The following XCR1 variants were observed in gnomAD, a reference collection of about 807,000 sequenced individuals.
XCR1 encodes the protein X-C motif chemokine receptor 1.
For synonymous variants in XCR1, 187 were observed against 188.5 expected, an observed-to-expected ratio of 0.99 and a Z score of 0.06; for missense variants, 356 against 424.2, an observed-to-expected ratio of 0.84 and a Z score of 1.41.
At chr3:46,064,469 T>C (rs1698025172) in intron 4 of XCR1, among the ~76,000 whole-genome samples, 1 of 152,204 alleles carries the variant, frequency 6.6e-6, no homozygotes, top group African/African-American at 2.4e-5. Flanking sequence ...AATTCTTTAC[T>C]GCTCCTCCCA....
chr3:46,083,303 G>T (rs1466364625), intron 1 of XCR1, among the ~76,000 whole-genome samples: 2 of 152,172 alleles, frequency 1.3e-5, no homozygotes, highest in Non-Finnish European at 2.9e-5. Context: ...ATTTATTATA[G>T]TCTGTGGAGA....
At chr3:46,081,169 A>G (rs937102751) in intron 1 of XCR1, among the ~76,000 whole-genome samples, 7 of 152,178 alleles carry the variant, frequency 4.6e-5, no homozygotes, top group African/African-American at 1.7e-4. Flanking sequence ...AATTCAATCC[A>G]TTTGCAACAT....
At chr3:46,080,069 TAAAA>T (rs112696786) in intron 1 of XCR1, among the ~76,000 whole-genome samples, 4 of 148,304 alleles carry the variant, frequency 2.7e-5, no homozygotes, top group Admixed American at 6.7e-5. Flanking sequence ...TTTGAACAGT[TAAAA>T]AAAAAACCTT....
chr3:46,023,218 C>G lies in XCR1; in HGVS notation c.-31-1240G>C, dbSNP rs190764829. 2.0e-3 allele frequency: 1,093 copies of G among 537,026 alleles called. 4 individuals carry two copies. The highest frequency in any genetic ancestry group is 3.1e-3 in the Non-Finnish European group (935 of 304,902). 33.3% of individuals were successfully genotyped at this position (537,026 alleles called of 1,614,324 possible). On this transcript the variant is annotated intron_variant, in intron 1 of 1. Coordinates refer to ENST00000309285, the MANE Select transcript of XCR1 (RefSeq NM_001024644.2). ...GCTCCCTCTGCGCCCAGAGAGGACG[C>G]GGCTGCGTCGCGCTCCCCTGCGATC...
At chr3:46,081,403 G>A (rs1368259507) in intron 1 of XCR1, among the ~76,000 whole-genome samples, 1 of 152,300 alleles carries the variant, frequency 6.6e-6, no homozygotes, top group African/African-American at 2.4e-5. Flanking sequence ...ACTAGATGAA[G>A]GAACTTATGA....
chr3:46,035,570 C>T (rs1697414801), intron 5 of XCR1, among the ~76,000 whole-genome samples: 1 of 152,222 alleles, frequency 6.6e-6, no homozygotes, highest in Admixed American at 6.5e-5. Flanking sequence ...GCTGCCCACT[C>T]AGTTTTGGTT....
intron 5 of XCR1, among the ~76,000 whole-genome samples, chr3:46,039,805 G>A (rs186735096): frequency 6.6e-6 from 1 of 152,240 alleles, no homozygotes; most frequent in African/African-American, 2.4e-5. Flanking sequence ...GATAAGATTA[G>A]TATAGAGTTT....
rs1376683582 is a variant in XCR1 at position 46,018,795 on chromosome 3, T to C, written c.*2151A>G. On this transcript the variant is annotated 3_prime_UTR_variant, in exon 2 of 2. Coordinates refer to ENST00000309285, the MANE Select transcript of XCR1 (RefSeq NM_001024644.2). The stretch of plus-strand genomic sequence containing the variant: ...TCTCTAGGTTGGCCAGAGGGCTACA[T>C]TGGTATCTACTTTATTCAATAACAA... The C allele has an allele frequency of 1.3e-5, 2 of 152,224 alleles. No individual in the cohort carries two copies. Among genetic ancestry groups the C allele is most frequent in the Non-Finnish European group, 2.9e-5 (2 of 68,030 alleles). The allele number at this position is 152,224 out of a possible 1,614,324, so 9.4% of individuals were successfully genotyped here.
rs759837395 is a variant in XCR1 at position 46,021,573 on chromosome 3, G to T, written c.375C>A (p.Ile125=). 4.1e-5 allele frequency: 66 copies of T among 1,611,118 alleles called. No homozygotes were observed. In the South Asian group the frequency reaches 7.1e-4, roughly 17 times the overall value. Residue 125 remains isoleucine (I), a synonymous_variant, in exon 2 of 2, where the codon ATC becomes ATA. Transcript: ENST00000309285. The surrounding 1 kb of genome is among the most constrained non-coding windows in gnomAD (Gnocchi z 4.7). ...GGCTCACTACCGACAGGTAGCGGTG[G>T]ATGGTCATGATGGTCAGGAAGAAGA... ...SSIFFLTIMT[I]HRYLSVVSPL...
intron 3 of XCR1, among the ~76,000 whole-genome samples, chr3:46,067,481 T>A (rs1298891951): frequency 6.6e-6 from 1 of 152,128 alleles, no homozygotes; most frequent in Non-Finnish European, 1.5e-5. Context: ...TTGGGCTAAA[T>A]TGGGTTCCAT....
At chr3:46,022,073 G>T in intron 1 of XCR1, 95 bp from the exon 2 acceptor site, 1 of 1,114,216 alleles carries the variant, frequency 9.0e-7, no homozygotes, top group South Asian at 1.7e-5. Context: ...GCCAAAGGGA[G>T]AGGATTGCTT....
At chr3:46,064,385 T>TA (rs1315214821) in intron 4 of XCR1, among the ~76,000 whole-genome samples, 1 of 151,930 alleles carries the variant, frequency 6.6e-6, no homozygotes, top group African/African-American at 2.4e-5. Context: ...ATGTATGGAG[T>TA]AAAAAAATCC....
intron 5 of XCR1, among the ~76,000 whole-genome samples, chr3:46,045,557 A>G (rs1454462457): frequency 6.6e-6 from 1 of 152,210 alleles, no homozygotes; most frequent in African/African-American, 2.4e-5. Flanking sequence ...AGCATTCAAC[A>G]TAATTCAACA....
Position 46,021,964 on chromosome 3 carries a change from G to C in XCR1, c.-17C>G, listed in dbSNP as rs1265070974. 1 of 1,596,014 alleles carries C rather than the reference G, an allele frequency of 6.3e-7. No homozygotes were observed. Among genetic ancestry groups the C allele is most frequent in the South Asian group, 1.1e-5 (1 of 87,504 alleles). Reference sequence around the variant, plus strand: ...GGACTCCATCTGGACCAGATGGCAGGGACGTTTAGAGCATCTGAAATGATA... The same window carrying C: ...GGACTCCATCTGGACCAGATGGCAGCGACGTTTAGAGCATCTGAAATGATA... On this transcript the variant is annotated 5_prime_UTR_variant, in exon 2 of 2. Coordinates refer to ENST00000309285, the MANE Select transcript of XCR1 (RefSeq NM_001024644.2). The surrounding 1 kb of genome is among the most constrained non-coding windows in gnomAD (Gnocchi z 4.7).
At chr3:46,065,602 C>G (rs745638037) in intron 4 of XCR1, among the ~76,000 whole-genome samples, 2 of 152,240 alleles carry the variant, frequency 1.3e-5, no homozygotes, top group Non-Finnish European at 2.9e-5. Flanking sequence ...CAACCACACA[C>G]AGCCCACTTA....
intron 1 of XCR1, among the ~76,000 whole-genome samples, chr3:46,080,590 C>A (rs1698343150): frequency 6.6e-6 from 1 of 152,036 alleles, no homozygotes; most frequent in Non-Finnish European, 1.5e-5. Flanking sequence ...AAACCCCAGC[C>A]CCCCTGCCAA....
intron 5 of XCR1, among the ~76,000 whole-genome samples, chr3:46,042,518 A>G (rs1304304532): frequency 6.6e-6 from 1 of 152,192 alleles, no homozygotes; most frequent in Admixed American, 6.5e-5. Context: ...ATAGAAATAG[A>G]AAAGATTATG....
chr3:46,068,498 T>C (rs1177751058), intron 3 of XCR1, among the ~76,000 whole-genome samples: 1 of 152,188 alleles, frequency 6.6e-6, no homozygotes, highest in Non-Finnish European at 1.5e-5. Context: ...GTTATTATGA[T>C]AGAGCAGTGA....
chr3:46,074,771 G>A (rs933633042), intron 2 of XCR1, among the ~76,000 whole-genome samples: 6 of 152,218 alleles, frequency 3.9e-5, no homozygotes, highest in African/African-American at 1.2e-4. Context: ...GGGTGGCAAA[G>A]GTAGACGAAA....
Sources: allele counts gnomAD v4.1 joint callset (sites outside exome capture counted in the v4.1 genomes callset), GRCh38; gene constraint gnomAD v4.1.1; non-coding constraint Gnocchi (gnomAD v3.1); transcripts MANE v1.5; gene names NCBI Gene and HGNC (gene_info 2026-07-23, HGNC 2026-07-21).